MGMT: variants seen among roughly 807,000 people sequenced by gnomAD.
MGMT encodes the protein methylated-DNA--protein-cysteine methyltransferase.
A neutral mutation model predicts 15.9 loss-of-function variants in MGMT; 14 were observed. That is an observed-to-expected ratio of 0.88 (90% CI 0.58 to 1.37). The LOEUF (loss-of-function observed/expected upper bound fraction) is 1.37. MGMT is among the 40% of genes most tolerant of loss of function. The pLI is 0.00. For missense variants in MGMT, 282 were observed against 268.1 expected, an observed-to-expected ratio of 1.05 and a Z score of -0.36; for synonymous variants, 130 against 118.2, an observed-to-expected ratio of 1.10 and a Z score of -0.65.
intron 2 of MGMT, among the ~76,000 whole-genome samples, chr10:129,612,935 G>C (rs1218848286): frequency 6.6e-6 from 1 of 152,116 alleles, no homozygotes; most frequent in Non-Finnish European, 1.5e-5. Flanking sequence ...TCACAGCTGC[G>C]GTGACATCCT....
chr10:129,740,062 A>G (rs1030685675), intron 3 of MGMT, among the ~76,000 whole-genome samples: 2 of 152,234 alleles, frequency 1.3e-5, no homozygotes, highest in Non-Finnish European at 2.9e-5. Context: ...AAATCTAAAG[A>G]TGTTTAAAAC....
At chr10:129,512,942 T>G (rs1298428463) in intron 1 of MGMT, among the ~76,000 whole-genome samples, 1 of 152,104 alleles carries the variant, frequency 6.6e-6, no homozygotes, top group Admixed American at 6.5e-5. Flanking sequence ...GAGTAGATAT[T>G]TGTACACTGG....
rs550690622 is a variant in MGMT, at chr10:129,596,906, A to G, written c.125+60529A>G. On this transcript the variant is annotated intron_variant, in intron 2 of 4. Coordinates refer to ENST00000651593, the MANE Select transcript of MGMT (RefSeq NM_002412.5). ...GAGCTGGTTGTGGTTTTAATGAGGC[A>G]TATACAGACACTGCTTTAGTGGATG... Among the ~76,000 whole-genome samples, 198 of 152,076 alleles carry G rather than the reference A, an allele frequency of 1.3e-3. 1 individual carries two copies. The highest frequency in any genetic ancestry group is 2.5e-3 in the Non-Finnish European group (168 of 68,026).
chr10:129,496,205 A>G (rs1845519517), intron 1 of MGMT, among the ~76,000 whole-genome samples: 1 of 152,180 alleles, frequency 6.6e-6, no homozygotes, highest in African/African-American at 2.4e-5. Flanking sequence ...AGGAAACTTG[A>G]ATGCCTGGAA....
chr10:129,619,787 G>T (rs996726349), intron 2 of MGMT, among the ~76,000 whole-genome samples: 1 of 152,028 alleles, frequency 6.6e-6, no homozygotes, highest in Admixed American at 6.5e-5. Flanking sequence ...TCCCTCTCAG[G>T]TCTCTAGGGC....
intron 1 of MGMT, among the ~76,000 whole-genome samples, chr10:129,472,910 GA>G (rs1329069941): frequency 6.6e-6 from 1 of 152,198 alleles, no homozygotes; most frequent in African/African-American, 2.4e-5. Context: ...TGTCTGTAAA[GA>G]GGCTACTGGC....
intron 2 of MGMT, among the ~76,000 whole-genome samples, chr10:129,540,105 C>G (rs1042275531): frequency 6.6e-6 from 1 of 152,152 alleles, no homozygotes; most frequent in South Asian, 2.1e-4. Context: ...AGCCTGGAGG[C>G]TTTGCTTATC....
chr10:129,573,649 A>G (rs1272452424), intron 2 of MGMT, among the ~76,000 whole-genome samples: 1 of 151,884 alleles, frequency 6.6e-6, no homozygotes, highest in African/African-American at 2.4e-5. Flanking sequence ...ACCTATCTTT[A>G]TTTTCATCTA....
At chr10:129,731,390 T>G (rs948173014) in intron 3 of MGMT, among the ~76,000 whole-genome samples, 1 of 129,392 alleles carries the variant, frequency 7.7e-6, no homozygotes, top group South Asian at 2.4e-4. Context: ...TGCGACGGAG[T>G]CTCGCTCTGT....
At chr10:129,468,177 G>A (rs1845191696) in intron 1 of MGMT, among the ~76,000 whole-genome samples, 2 of 152,132 alleles carry the variant, frequency 1.3e-5, no homozygotes, top group Admixed American at 6.5e-5. Context: ...AGGCTCTCCC[G>A]TCATCTCCCC....
intron 3 of MGMT, among the ~76,000 whole-genome samples, chr10:129,732,710 C>T (rs979820928): frequency 7.8e-6 from 1 of 128,778 alleles, no homozygotes; most frequent in African/African-American, 2.8e-5. Flanking sequence ...CTCCCCCGTC[C>T]CCCCACCCCA....
chr10:129,611,154 G>A (rs941127931), intron 2 of MGMT, among the ~76,000 whole-genome samples: 1 of 152,184 alleles, frequency 6.6e-6, no homozygotes, highest in African/African-American at 2.4e-5. Flanking sequence ...GGTGGCTGTT[G>A]GGGAGTGTAT....
intron 1 of MGMT, among the ~76,000 whole-genome samples, chr10:129,498,069 A>G (rs565807009): frequency 6.6e-6 from 1 of 152,348 alleles, no homozygotes; most frequent in African/African-American, 2.4e-5. Flanking sequence ...CTTTCGAAGA[A>G]TACTGGTCAG....
chr10:129,504,565 C>T (rs765482436), intron 1 of MGMT, among the ~76,000 whole-genome samples: 1 of 152,170 alleles, frequency 6.6e-6, no homozygotes, highest in Non-Finnish European at 1.5e-5. Context: ...TTGATTCCCC[C>T]CTTTTAAATG....
intron 3 of MGMT, among the ~76,000 whole-genome samples, chr10:129,741,236 C>T (rs72838600): frequency 0.011 from 1,641 of 152,284 alleles, 22 homozygotes; most frequent in Non-Finnish European, 0.017. Flanking sequence ...AATAACAGGC[C>T]GTGTCTACTT....
At position 129,727,771 on chromosome 10, in the gene MGMT, A is replaced by G. The variant is rs1848449856; in HGVS notation, c.274+19728A>G. ...GGGCTTGGTGCTGCCAGAAAGGTAT[A>G]TGAGGAGCCCCGGGTAAGCCAGCAC... On this transcript the variant is annotated intron_variant, in intron 3 of 4. Transcript: ENST00000651593. Among the ~76,000 whole-genome samples the G allele has an allele frequency of 2.6e-5, 4 of 152,184 alleles. No individual in the cohort carries two copies. In the South Asian group the frequency reaches 8.3e-4, roughly 32 times the overall value.
intron 1 of MGMT, among the ~76,000 whole-genome samples, chr10:129,484,165 A>G (rs984989180): frequency 8.5e-5 from 13 of 152,096 alleles, no homozygotes; most frequent in African/African-American, 2.9e-4. Flanking sequence ...TTTACCTCAT[A>G]TAGATTTTTC....
intron 1 of MGMT, among the ~76,000 whole-genome samples, chr10:129,515,624 T>C (rs12264394): frequency 0.16 from 23,795 of 152,212 alleles, 2,606 homozygotes; most frequent in African/African-American, 0.3. Context: ...CCTGCAGATT[T>C]GGGCTCTGGC....
chr10:129,731,557 G>A (rs948047089), intron 3 of MGMT, among the ~76,000 whole-genome samples: 14 of 151,488 alleles, frequency 9.2e-5, no homozygotes, highest in Admixed American at 3.3e-4. Context: ...CACCACACCC[G>A]GCTGATTTTA....
Sources: gnomAD v4.1 joint callset for allele counts (sites outside exome capture counted in the v4.1 genomes callset) on GRCh38, gnomAD v4.1.1 for gene constraint, MANE v1.5 for transcripts, NCBI Gene and HGNC (gene_info 2026-07-23, HGNC 2026-07-21) for gene names.